The following ANKS1B variants were observed in gnomAD, a reference collection of about 807,000 sequenced individuals.
The protein encoded by ANKS1B is ankyrin repeat and sterile alpha motif domain-containing protein 1B.
A neutral mutation model predicts 148.3 loss-of-function variants in ANKS1B; 36 were observed. The ratio of observed to expected loss-of-function variants is 0.24; its 90% CI spans 0.19 to 0.32. ANKS1B has a LOEUF of 0.32. ANKS1B is among the 10% of genes least tolerant of loss of function. The pLI is 1.00. For missense variants in ANKS1B, 1,157 were observed against 1,542.6 expected (o/e 0.75, Z 4.19); for synonymous variants, 542 against 560.8 (o/e 0.97, Z 0.47).
intron 15 of ANKS1B, among the ~76,000 whole-genome samples, chr12:99,138,683 C>T (rs1361800440): frequency 2.0e-5 from 3 of 152,112 alleles, no homozygotes; most frequent in Admixed American, 2.0e-4. Context: ...ATTACATGAC[C>T]CCTAGGGTTG....
chr12:99,710,063 A>G (rs1185878291), intron 8 of ANKS1B, among the ~76,000 whole-genome samples: 3 of 152,128 alleles, frequency 2.0e-5, no homozygotes, highest in African/African-American at 7.2e-5. Context: ...TTTCCGTATT[A>G]TAGTATCTAC....
chr12:99,044,660 T>C lies in ANKS1B; in HGVS notation c.2778+8497A>G, dbSNP rs578112127. 1.2e-3 allele frequency among the ~76,000 whole-genome samples: 182 copies of C among 152,110 alleles called. 1 individual carries two copies. Among genetic ancestry groups the C allele is most frequent in the African/African-American group, 4.3e-3 (178 of 41,488 alleles). On this transcript the variant is annotated intron_variant, in intron 17 of 26. Coordinates refer to ENST00000683438, the MANE Select transcript of ANKS1B (RefSeq NM_001352186.2). The stretch of plus-strand genomic sequence containing the variant: ...GCAGATGGCAACTAAGCTGTGAAAA[T>C]AGGCTCCAAGGGACCAGCTCCCAGC...
chr12:99,665,102 G>A (rs533088644), intron 8 of ANKS1B, among the ~76,000 whole-genome samples: 62 of 152,240 alleles, frequency 4.1e-4, no homozygotes, highest in African/African-American at 1.4e-3. Context: ...AAATCTGTGA[G>A]TGCCCATAAG....
intron 4 of ANKS1B, among the ~76,000 whole-genome samples, chr12:99,786,720 A>G (rs1295439117): frequency 6.6e-6 from 1 of 152,192 alleles, no homozygotes; most frequent in Non-Finnish European, 1.5e-5. Context: ...GCAGATATAA[A>G]TGCTTAGAAA....
intron 16 of ANKS1B, among the ~76,000 whole-genome samples, chr12:99,054,347 C>T (rs117873818): frequency 0.02 from 2,981 of 152,054 alleles, 44 homozygotes; most frequent in Non-Finnish European, 0.031. Flanking sequence ...TTCTGATTTG[C>T]GAGCAGAGAA....
At chr12:99,251,540 A>G (rs11109776) in intron 12 of ANKS1B, among the ~76,000 whole-genome samples, 48,223 of 152,058 alleles carry the variant, frequency 0.32, 9,241 homozygotes, top group African/African-American at 0.54. Flanking sequence ...ATGCCAAGGT[A>G]CAGAACTAAA....
At chr12:99,260,774 GTTA>G (rs2075843292) in intron 12 of ANKS1B, among the ~76,000 whole-genome samples, 1 of 152,104 alleles carries the variant, frequency 6.6e-6, no homozygotes, top group African/African-American at 2.4e-5. Context: ...ATCATTTATG[GTTA>G]TCTTTCACAT....
At chr12:98,866,327 A>G (rs866664658) in intron 17 of ANKS1B, among the ~76,000 whole-genome samples, 1 of 152,096 alleles carries the variant, frequency 6.6e-6, no homozygotes, top group Non-Finnish European at 1.5e-5. Flanking sequence ...GGGCCTTCTC[A>G]CCTAAATTAA....
intron 25 of ANKS1B, among the ~76,000 whole-genome samples, chr12:98,752,090 C>T (rs1329693556): frequency 6.6e-6 from 1 of 152,146 alleles, no homozygotes; most frequent in East Asian, 1.9e-4. Context: ...GGCCTGGAAG[C>T]CCCCTTCCCA....
intron 17 of ANKS1B, among the ~76,000 whole-genome samples, chr12:98,915,438 G>A (rs147388058): frequency 2.0e-3 from 310 of 152,132 alleles, no homozygotes; most frequent in African/African-American, 6.9e-3. Context: ...TGCAACCTCC[G>A]CCTCCCAGGT....
intron 1 of ANKS1B, among the ~76,000 whole-genome samples, chr12:99,869,959 T>C (rs2091288185): frequency 6.6e-6 from 1 of 152,222 alleles, no homozygotes; most frequent in Non-Finnish European, 1.5e-5. Context: ...TTTCAACTTT[T>C]ATTTTAGATT....
At position 98,863,777 on chromosome 12, in the gene ANKS1B, T is replaced by C. The variant is rs540355558; in HGVS notation, c.2779-31641A>G. ...ATGAACAAAATGCTAAAGATATAACTAGAGAAATTCTAGAGGTAAGGAAAT... is the reference window on the plus strand; with the variant it reads ...ATGAACAAAATGCTAAAGATATAACCAGAGAAATTCTAGAGGTAAGGAAAT... On this transcript the variant is annotated intron_variant, in intron 17 of 26. Transcript: ENST00000683438. Among the ~76,000 whole-genome samples, 436 of 152,340 alleles carry C rather than the reference T, an allele frequency of 2.9e-3. 2 individuals carry two copies. The highest frequency in any genetic ancestry group is 0.01 in the African/African-American group (417 of 41,592).
chr12:98,744,206 C>G lies in ANKS1B; in HGVS notation c.*1533G>C. ...CAACAGTGAATAGGCAAAATATATA[C>G]AAGGAACTGTTCAGTTCAAGTAATT... is the stretch of plus-strand genomic sequence containing the variant. On this transcript the variant is annotated 3_prime_UTR_variant, in exon 27 of 27. Transcript: ENST00000683438. 1.0e-6 allele frequency: 1 copy of G among 970,446 alleles called. No individual in the cohort carries two copies. The highest frequency in any genetic ancestry group is 1.2e-6 in the Non-Finnish European group (1 of 815,906). The allele number at this position is 970,446 out of a possible 1,614,324, so 60.1% of individuals were successfully genotyped here. A position where few individuals can be genotyped will look rare whatever the true frequency, so the allele number is the denominator to read the frequency against.
At chr12:99,281,065 T>A (rs531764305) in intron 12 of ANKS1B, among the ~76,000 whole-genome samples, 3 of 152,114 alleles carry the variant, frequency 2.0e-5, no homozygotes, top group African/African-American at 4.8e-5. Flanking sequence ...ACTTACTGAA[T>A]GGATGGAGAG....
chr12:99,864,037 C>G (rs7308939), intron 1 of ANKS1B, among the ~76,000 whole-genome samples: 2 of 146,902 alleles, frequency 1.4e-5, no homozygotes, highest in African/African-American at 5.1e-5. Context: ...GCCGAGATCA[C>G]GCCAGAGCAC....
intron 17 of ANKS1B, among the ~76,000 whole-genome samples, chr12:98,991,216 A>AT (rs2099926412): frequency 6.6e-6 from 1 of 152,184 alleles, no homozygotes; most frequent in African/African-American, 2.4e-5. Context: ...AAACTCTAAT[A>AT]TAGTATTAGT....
At chr12:98,956,594 TG>T (rs2099862534) in intron 17 of ANKS1B, among the ~76,000 whole-genome samples, 1 of 146,348 alleles carries the variant, frequency 6.8e-6, no homozygotes, top group Non-Finnish European at 1.5e-5. Flanking sequence ...TTATACTACC[TG>T]TAGTTAGTTA....
chr12:99,093,099 C>T (rs145024343), intron 15 of ANKS1B, among the ~76,000 whole-genome samples: 256 of 152,256 alleles, frequency 1.7e-3, no homozygotes, highest in South Asian at 0.015. Flanking sequence ...AGATATGTAA[C>T]GTTACCAAGA....
At chr12:99,678,726 T>C (rs906892014) in intron 8 of ANKS1B, among the ~76,000 whole-genome samples, 1 of 152,218 alleles carries the variant, frequency 6.6e-6, no homozygotes, top group Non-Finnish European at 1.5e-5. Flanking sequence ...TTATTTATTG[T>C]TGTTTAATTA....
Sources: gnomAD v4.1 joint callset for allele counts (sites outside exome capture counted in the v4.1 genomes callset) on GRCh38, gnomAD v4.1.1 for gene constraint, MANE v1.5 for transcripts, NCBI Gene and HGNC (gene_info 2026-07-23, HGNC 2026-07-21) for gene names.